Variants in RP1 observed in about 807,000 individuals in gnomAD.
The protein encoded by RP1 is RP1 axonemal microtubule associated.
RP1 carries 16 observed loss-of-function variants against 14.8 expected under a neutral mutation model. That is an observed-to-expected ratio of 1.08 (90% CI 0.73 to 1.65). RP1 has a LOEUF of 1.65. Ranked by LOEUF, RP1 falls within the 40% of genes most tolerant of loss-of-function variation. RP1 has a pLI of 0.00. For synonymous variants in RP1, 876 were observed against 883.6 expected (o/e 0.99, Z 0.15); for missense variants, 2,631 against 2,535.0 (o/e 1.04, Z -0.81).
chr8:54,841,690 G>A (rs1208315670), intron 25 of RP1, among the ~76,000 whole-genome samples: 1 of 152,156 alleles, frequency 6.6e-6, no homozygotes, highest in African/African-American at 2.4e-5. Flanking sequence ...GGAGCAGCCC[G>A]GAGGAGATGC....
intron 12 of RP1, among the ~76,000 whole-genome samples, chr8:54,684,598 T>C (rs1279577970): frequency 1.3e-5 from 2 of 152,216 alleles, no homozygotes; most frequent in African/African-American, 4.8e-5. Flanking sequence ...TTTGTGTACA[T>C]AGAGGTGTTT....
intron 9 of RP1, chr8:54,679,404 A>T (rs1807371375): frequency 6.5e-7 from 1 of 1,529,960 alleles, no homozygotes. Context: ...TAATCGATAC[A>T]CTTTTCTTTT....
intron 27 of RP1, among the ~76,000 whole-genome samples, chr8:54,863,877 C>T (rs1812403639): frequency 6.6e-6 from 1 of 152,190 alleles, no homozygotes; most frequent in Admixed American, 6.5e-5. Context: ...ATCACTTCTT[C>T]CAATGTCTGT....
At chr8:54,659,391 C>A (rs1420844230) in intron 6 of RP1, among the ~76,000 whole-genome samples, 2 of 152,204 alleles carry the variant, frequency 1.3e-5, no homozygotes, top group East Asian at 3.9e-4. Context: ...CATTTTTAGT[C>A]AATATCTATA....
chr8:54,613,964 A>C (rs1805654254), upstream of RP1, among the ~76,000 whole-genome samples: 1 of 152,238 alleles, frequency 6.6e-6, no homozygotes, highest in African/African-American at 2.4e-5. Context: ...AAAGAAGATA[A>C]ACATGGCAAA....
At chr8:54,725,245 T>A (rs1350448129) in intron 16 of RP1, among the ~76,000 whole-genome samples, 3 of 152,238 alleles carry the variant, frequency 2.0e-5, no homozygotes, top group African/African-American at 7.2e-5. Flanking sequence ...TCTACAATTA[T>A]TTATTTATTC....
chr8:54,590,250 T>C (rs1805016885), intron 1 of RP1, among the ~76,000 whole-genome samples: 1 of 152,216 alleles, frequency 6.6e-6, no homozygotes, highest in South Asian at 2.1e-4. Flanking sequence ...TTTGATCTCA[T>C]AGCCCTCCTC....
chr8:54,629,212 A>T lies in RP1; in HGVS notation c.5330A>T (p.Asp1777Val), dbSNP rs1417282882. The T allele has an allele frequency of 6.2e-7, 1 of 1,613,996 alleles. No individual in the cohort carries two copies. Among genetic ancestry groups the T allele is most frequent in the African/African-American group, 1.3e-5 (1 of 74,940 alleles). Residue 1777 changes from aspartate (D) to valine (V), a missense_variant, in exon 4 of 4, where the codon GAT (aspartate) becomes GTT (valine). Asp to Val is a radical substitution (Grantham distance 152). Coordinates refer to ENST00000220676, the MANE Select transcript of RP1 (RefSeq NM_006269.2). ...ADTTSVDTLL[D>V]NNSSEVPYSH... is the part of the protein sequence containing the mutation. ...ACCACATCAGTGGACACCCTACTTG[A>T]TAATAACAGCAGTGAGGTACCATAT...
At chr8:54,864,295 T>G (rs776018030) in intron 27 of RP1, among the ~76,000 whole-genome samples, 10 of 152,226 alleles carry the variant, frequency 6.6e-5, no homozygotes, top group Non-Finnish European at 1.3e-4. Context: ...AAAAAAATAT[T>G]GTAAGCTGAT....
chr8:54,808,675 C>T (rs753767974), intron 24 of RP1, among the ~76,000 whole-genome samples: 1 of 152,212 alleles, frequency 6.6e-6, no homozygotes, highest in Non-Finnish European at 1.5e-5. Flanking sequence ...AATGTTTCTT[C>T]TGCTTCCAAT....
Position 54,841,689 on chromosome 8 carries a change from C to T in RP1, c.3835+4020C>T, listed in dbSNP as rs369305436. Among the ~76,000 whole-genome samples, 24 of 152,240 alleles carry T rather than the reference C, an allele frequency of 1.6e-4. 1 individual carries two copies. The East Asian group carries it at 3.1e-3, about 20-fold the overall frequency. The stretch of plus-strand genomic sequence containing the variant: ...TCCGCGGTGTTGGTTGGGAGCAGCC[C>T]GGAGGAGATGCCGATTGCCCTTGGC... On this transcript the variant is annotated intron_variant, in intron 25 of 28. Transcript: ENST00000637698.
At chr8:54,866,449 G>A (rs979679859) in intron 28 of RP1, among the ~76,000 whole-genome samples, 1 of 152,272 alleles carries the variant, frequency 6.6e-6, no homozygotes, top group East Asian at 1.9e-4. Flanking sequence ...GGTGGTCATA[G>A]GTGAATCTCT....
intron 1 of RP1, among the ~76,000 whole-genome samples, chr8:54,570,142 C>T (rs569834657): frequency 2.0e-5 from 3 of 152,022 alleles, no homozygotes; most frequent in South Asian, 2.1e-4. Context: ...TGCTGCAGCC[C>T]GATGTTGCAG....
intron 25 of RP1, among the ~76,000 whole-genome samples, chr8:54,852,064 T>C (rs1812070964): frequency 6.6e-6 from 1 of 152,208 alleles, no homozygotes; most frequent in Non-Finnish European, 1.5e-5. Flanking sequence ...GGTACCTTAC[T>C]GGACTTTTTG....
At chr8:54,858,726 C>A (rs1310841722) in intron 27 of RP1, among the ~76,000 whole-genome samples, 1 of 151,568 alleles carries the variant, frequency 6.6e-6, no homozygotes, top group African/African-American at 2.4e-5. Flanking sequence ...GGAGCAGTGT[C>A]ACTGTACAGC....
At chr8:54,680,590 C>T (rs550950513) in intron 12 of RP1, among the ~76,000 whole-genome samples, 12 of 152,250 alleles carry the variant, frequency 7.9e-5, no homozygotes, top group Non-Finnish European at 1.6e-4. Flanking sequence ...ACTAACCTAC[C>T]GCATGTCTCA....
Position 54,630,117 on chromosome 8 carries a change from T to A in RP1, c.6235T>A (p.Ser2079Thr), listed in dbSNP as rs777643663. 1 of 1,613,878 alleles carries A rather than the reference T, an allele frequency of 6.2e-7. No homozygotes were observed. The highest frequency in any genetic ancestry group is 8.5e-7 in the Non-Finnish European group (1 of 1,179,932). The change falls in exon 4 of 4, where the codon TCA becomes ACA. Residue 2079 changes from serine to threonine, a missense_variant. Transcript: ENST00000220676. ...CTTATTAAATAACAGATTCCAGGGC[T>A]CAAGAACAAATCTCAACCAAGTAGT... is the stretch of plus-strand genomic sequence containing the variant. ...NNLLNNRFQG[S>T]RTNLNQVVRE...
At chr8:54,803,830 G>C (rs144337474) in intron 24 of RP1, among the ~76,000 whole-genome samples, 3,992 of 152,280 alleles carry the variant, frequency 0.026, 77 homozygotes, top group Non-Finnish European at 0.043. Context: ...AGCACTTTGG[G>C]AGGCTGAGGT....
At chr8:54,571,632 TCAAA>T (rs1172442000) in intron 1 of RP1, among the ~76,000 whole-genome samples, 1 of 152,170 alleles carries the variant, frequency 6.6e-6, no homozygotes, top group African/African-American at 2.4e-5. Flanking sequence ...GCTAGGACTG[TCAAA>T]CAAAGCACCA....
Sources: gnomAD v4.1 joint callset for allele counts (sites outside exome capture counted in the v4.1 genomes callset) on GRCh38, gnomAD v4.1.1 for gene constraint, MANE v1.5 for transcripts, NCBI Gene and HGNC (gene_info 2026-07-23, HGNC 2026-07-21) for gene names.